The following HCK variants were observed in gnomAD, a reference collection of about 807,000 sequenced individuals.
HCK encodes the protein HCK proto-oncogene, Src family tyrosine kinase, also known as tyrosine-protein kinase HCK.
Under a neutral mutation model 70.4 loss-of-function variants are expected in HCK, and 40 were observed. The observed-to-expected ratio is 0.57, with a 90% CI of 0.44 to 0.74. The LOEUF (loss-of-function observed/expected upper bound fraction) is 0.74, where lower values mean the gene tolerates loss of function less well. HCK is among the 30% of genes least tolerant of loss of function. The pLI, the probability that HCK is intolerant of heterozygous loss-of-function variation, is 0.00. For synonymous variants in HCK, 245 were observed against 263.2 expected (o/e 0.93, Z 0.67); for missense variants, 568 against 697.2 (o/e 0.81, Z 2.09).
chr20:32,085,663 G>C (rs1014751948), intron 8 of HCK, among the ~76,000 whole-genome samples: 1 of 152,180 alleles, frequency 6.6e-6, no homozygotes, highest in Non-Finnish European at 1.5e-5. Flanking sequence ...CTGGATTGGA[G>C]CTTCCTGGAA....
At chr20:32,072,191 A>C in intron 2 of HCK, 1 of 176,006 alleles carries the variant, frequency 5.7e-6, no homozygotes, top group East Asian at 1.6e-4. Context: ...ACCAACCATA[A>C]TTGCGTGAGT....
At chr20:32,062,114 AT>A (rs1362290481) in intron 1 of HCK, among the ~76,000 whole-genome samples, 1 of 151,522 alleles carries the variant, frequency 6.6e-6, no homozygotes, top group African/African-American at 2.4e-5. Flanking sequence ...TAATTTTTGT[AT>A]TTTTAGTAGA....
chr20:32,090,341 A>C (rs1420512702), intron 10 of HCK, among the ~76,000 whole-genome samples: 2 of 152,216 alleles, frequency 1.3e-5, no homozygotes, highest in African/African-American at 2.4e-5. Flanking sequence ...GACAGAAAGG[A>C]GCCCACCTGG....
rs536989789 is a variant in HCK at position 32,058,432 on chromosome 20, C to T, written c.62+5946C>T. ...CTGTAATTTCAGCTACTTGGGAAGC[C>T]GAGGCAGGAGAATTGCTGGAACCCG... On this transcript the variant is annotated intron_variant, in intron 1 of 12. Transcript: ENST00000375852. 3.3e-4 allele frequency among the ~76,000 whole-genome samples: 50 copies of T among 150,936 alleles called. No individual in the cohort carries two copies. In the South Asian group the frequency reaches 3.8e-3, roughly 11 times the overall value.
At chr20:32,084,578 G>A in intron 8 of HCK, 35 bp downstream of exon 8, 2 of 1,579,572 alleles carry the variant, frequency 1.3e-6, no homozygotes, top group Non-Finnish European at 1.7e-6. Flanking sequence ...CAGGGCCAGA[G>A]GGTGGAGGGG....
intron 1 of HCK, among the ~76,000 whole-genome samples, chr20:32,060,774 T>C (rs1160218115): frequency 6.6e-6 from 1 of 152,026 alleles, no homozygotes; most frequent in East Asian, 1.9e-4. Flanking sequence ...TCCCATAGCA[T>C]TAAATGTGCA....
chr20:32,075,952 T>C (rs2045617710), intron 5 of HCK, among the ~76,000 whole-genome samples: 1 of 152,174 alleles, frequency 6.6e-6, no homozygotes, highest in Non-Finnish European at 1.5e-5. Flanking sequence ...GCCTCCTCTT[T>C]CTAGCTAGAT....
At chr20:32,077,105 C>A (rs994283786) in intron 5 of HCK, among the ~76,000 whole-genome samples, 3 of 152,022 alleles carry the variant, frequency 2.0e-5, no homozygotes, top group Non-Finnish European at 2.9e-5. Flanking sequence ...ATAAAAATAA[C>A]AAATGAATAC....
At chr20:32,080,207 T>C (rs924195442) in intron 6 of HCK, among the ~76,000 whole-genome samples, 1 of 152,206 alleles carries the variant, frequency 6.6e-6, no homozygotes, top group Non-Finnish European at 1.5e-5. Context: ...TTTTGTTTTG[T>C]TCTGTTTTTT....
intron 10 of HCK, among the ~76,000 whole-genome samples, chr20:32,091,875 C>T (rs540590047): frequency 6.6e-6 from 1 of 151,730 alleles, no homozygotes; most frequent in Non-Finnish European, 1.5e-5. Flanking sequence ...GTACCAGCTG[C>T]TTGGGAAGCT....
At chr20:32,083,258 T>C (rs1415516239) in intron 6 of HCK, among the ~76,000 whole-genome samples, 3 of 152,168 alleles carry the variant, frequency 2.0e-5, no homozygotes, top group Non-Finnish European at 2.9e-5. Flanking sequence ...TCCAGATCCT[T>C]AACTTAATCA....
intron 2 of HCK, chr20:32,072,416 G>A (rs1226100889): frequency 6.6e-6 from 1 of 151,880 alleles, no homozygotes; most frequent in African/African-American, 2.4e-5. Flanking sequence ...TAAAAACACA[G>A]GCCAGGTGCA....
chr20:32,094,798 A>AG (rs1569010605), intron 11 of HCK, among the ~76,000 whole-genome samples: 532 of 34,088 alleles, frequency 0.016, 9 homozygotes, highest in African/African-American at 0.027. Context: ...AGAAAGAAAG[A>AG]AAGAAAGAAA....
intron 11 of HCK, among the ~76,000 whole-genome samples, chr20:32,094,894 G>A (rs1452517915): frequency 6.6e-6 from 1 of 151,948 alleles, no homozygotes; most frequent in Admixed American, 6.5e-5. Flanking sequence ...GCACCAAAAT[G>A]GGTAACTCTC....
intron 11 of HCK, among the ~76,000 whole-genome samples, chr20:32,098,429 G>A (rs6121338): frequency 0.43 from 65,056 of 151,846 alleles, 15,652 homozygotes; most frequent in African/African-American, 0.66. Context: ...TCAGGAGTTC[G>A]AGGCTTCAGT....
chr20:32,080,080 A>G (rs1404268527), intron 6 of HCK, among the ~76,000 whole-genome samples: 1 of 152,210 alleles, frequency 6.6e-6, no homozygotes, highest in African/African-American at 2.4e-5. Flanking sequence ...TATCCACCAT[A>G]GCTGCCAGCT....
chr20:32,094,060 C>G, intron 11 of HCK, 44 bp downstream of exon 11: 1 of 1,581,434 alleles, frequency 6.3e-7, no homozygotes, highest in Non-Finnish European at 8.6e-7. Flanking sequence ...CATTTGGATG[C>G]TTGTGAGTGT....
intron 1 of HCK, among the ~76,000 whole-genome samples, chr20:32,056,871 AAC>A (rs1491307900): frequency 1.3e-5 from 2 of 152,182 alleles, no homozygotes; most frequent in African/African-American, 4.8e-5. Flanking sequence ...TGTATCTTCT[AAC>A]ACCTGGCACC....
intron 11 of HCK, among the ~76,000 whole-genome samples, chr20:32,094,497 C>T (rs531840916): frequency 2.0e-5 from 3 of 151,894 alleles, no homozygotes; most frequent in East Asian, 1.9e-4. Context: ...CTGGGCAACA[C>T]AGGAAGACCT....
Sources: gnomAD v4.1 joint callset for allele counts (sites outside exome capture counted in the v4.1 genomes callset) on GRCh38, gnomAD v4.1.1 for gene constraint, MANE v1.5 for transcripts, NCBI Gene and HGNC (gene_info 2026-07-23, HGNC 2026-07-21) for gene names.